Variants in NEK6 observed in about 807,000 individuals in gnomAD.
NEK6 encodes serine/threonine-protein kinase Nek6.
A neutral mutation model predicts 43.5 loss-of-function variants in NEK6; 27 were observed. The observed-to-expected ratio is 0.62, with a 90% CI of 0.46 to 0.86. NEK6 has a LOEUF of 0.86. Ranked by LOEUF, NEK6 falls within the 40% of genes least tolerant of loss-of-function variation. The pLI is 0.00. For missense variants in NEK6, 318 were observed against 414.4 expected (o/e 0.77, Z 2.02); for synonymous variants, 167 against 164.1 (o/e 1.02, Z -0.14).
At chr9:124,260,654 G>A (rs1045903301) in intron 1 of NEK6, among the ~76,000 whole-genome samples, 2 of 152,202 alleles carry the variant, frequency 1.3e-5, no homozygotes, top group African/African-American at 4.8e-5. Flanking sequence ...GCCCGCCTTG[G>A]CCTCCCAAAG....
At chr9:124,316,849 C>T (rs574108588) in intron 4 of NEK6, among the ~76,000 whole-genome samples, 2 of 152,200 alleles carry the variant, frequency 1.3e-5, no homozygotes, top group Non-Finnish European at 2.9e-5. Context: ...CCCCAGGAAC[C>T]AGCGCCTCCT....
intron 1 of NEK6, chr9:124,261,713 G>A: frequency 2.4e-6 from 1 of 417,942 alleles, no homozygotes; most frequent in Non-Finnish European, 3.2e-6. Context: ...TGTGGTTTGG[G>A]CCATGTTGTG....
intron 1 of NEK6, among the ~76,000 whole-genome samples, chr9:124,267,661 G>A (rs1831279415): frequency 6.6e-6 from 1 of 152,210 alleles, no homozygotes. Context: ...CCAGGTGCTG[G>A]GCCGCCCCTG....
At chr9:124,274,844 T>G (rs1445674032) in intron 1 of NEK6, among the ~76,000 whole-genome samples, 1 of 152,190 alleles carries the variant, frequency 6.6e-6, no homozygotes, top group Non-Finnish European at 1.5e-5. Flanking sequence ...CTGGCAATCA[T>G]TGTCCTCTCC....
intron 1 of NEK6, among the ~76,000 whole-genome samples, chr9:124,271,237 A>G (rs918448165): frequency 6.6e-6 from 1 of 152,218 alleles, no homozygotes; most frequent in African/African-American, 2.4e-5. Flanking sequence ...CCGCTCCTTG[A>G]GTGACAAGGG....
chr9:124,265,209 A>G (rs1403594461), intron 1 of NEK6, among the ~76,000 whole-genome samples: 2 of 152,188 alleles, frequency 1.3e-5, no homozygotes, highest in Non-Finnish European at 2.9e-5. Context: ...GTGGTTAAAT[A>G]TATCTGAGAA....
In NEK6 at chr9:124,326,550, C is replaced by G. The variant is rs1190285160; in HGVS notation, c.514+112C>G. The G allele has an allele frequency of 2.6e-6, 2 of 755,284 alleles. No homozygotes were observed. The highest frequency in any genetic ancestry group is 3.0e-5 in the South Asian group (2 of 67,230). 46.8% of individuals were successfully genotyped at this position (755,284 alleles called of 1,614,324 possible). A position where few individuals can be genotyped will look rare whatever the true frequency, so the allele number is the denominator to read the frequency against. ...AGCCCCTTGAGGAAGTTGGACCGCT[C>G]TGTATTCCCCAGGCAAGGGGGCTGC... On this transcript the variant is annotated intron_variant, in intron 6 of 9. Transcript: ENST00000320246. This position sits in a 1 kb window ranked among gnomAD's most constrained non-coding sequence, Gnocchi z 4.5.
intron 1 of NEK6, among the ~76,000 whole-genome samples, chr9:124,285,675 TGCAAA>T (rs1392022990): frequency 2.0e-5 from 3 of 152,062 alleles, no homozygotes; most frequent in Non-Finnish European, 4.4e-5. Flanking sequence ...AAGCCGCAGA[TGCAAA>T]GCCTGTTAGG....
chr9:124,351,184 A>G lies in NEK6; in HGVS notation c.*237A>G, dbSNP rs1169477337. On this transcript the variant is annotated 3_prime_UTR_variant, in exon 10 of 10. Coordinates refer to ENST00000320246, the MANE Select transcript of NEK6 (RefSeq NM_014397.6). ...GTCCTTTCTTTATACTGTTGTGGACAATCTCAGCTGGGTCAATAAGGGCAG... is the reference window on the plus strand; with the variant it reads ...GTCCTTTCTTTATACTGTTGTGGACGATCTCAGCTGGGTCAATAAGGGCAG... The G allele has an allele frequency of 9.1e-6, 4 of 438,754 alleles. No individual in the cohort carries two copies. The East Asian group carries it at 1.7e-4, about 19-fold the overall frequency. The allele number at this position is 438,754 out of a possible 1,614,324, so 27.2% of individuals were successfully genotyped here. A position where few individuals can be genotyped will look rare whatever the true frequency, so the allele number is the denominator to read the frequency against.
At chr9:124,279,860 G>A (rs1218453698) in intron 1 of NEK6, among the ~76,000 whole-genome samples, 2 of 152,226 alleles carry the variant, frequency 1.3e-5, no homozygotes, top group Non-Finnish European at 2.9e-5. Flanking sequence ...TCCCAACCAC[G>A]CAAAACCTGT....
At chr9:124,314,971 A>G (rs978438142) in intron 4 of NEK6, among the ~76,000 whole-genome samples, 5 of 152,240 alleles carry the variant, frequency 3.3e-5, no homozygotes, top group Non-Finnish European at 5.9e-5. Flanking sequence ...CCCATGAAAC[A>G]TACTGGATTT....
chr9:124,290,769 G>A (rs762247919), intron 1 of NEK6, among the ~76,000 whole-genome samples: 1 of 152,208 alleles, frequency 6.6e-6, no homozygotes, highest in Non-Finnish European at 1.5e-5. Context: ...TCCAAACCCT[G>A]CTGGTCCTTC....
chr9:124,301,805 G>A (rs777733684), intron 1 of NEK6, 131 bp from the exon 2 acceptor site: 1 of 730,854 alleles, frequency 1.4e-6, no homozygotes, highest in Non-Finnish European at 2.4e-6. Context: ...TCGGAGCTGG[G>A]TGACCGTGGG....
intron 5 of NEK6, 128 bp downstream of exon 5, chr9:124,321,697 C>T (rs1438216286): frequency 3.0e-5 from 19 of 636,802 alleles, no homozygotes; most frequent in East Asian, 5.6e-5. Context: ...GGACCCTGGG[C>T]GCCCCCCTGC....
At chr9:124,257,841 G>GCGCC, upstream of NEK6, 1 of 1,107,096 alleles carries the variant, frequency 9.0e-7, no homozygotes, top group Non-Finnish European at 1.1e-6. Context: ...CGCCGCCGGG[G>GCGCC]CGCCCCCCGC....
At chr9:124,340,519 A>G (rs1358856152) in intron 8 of NEK6, among the ~76,000 whole-genome samples, 1 of 152,120 alleles carries the variant, frequency 6.6e-6, no homozygotes, top group Non-Finnish European at 1.5e-5. Context: ...GAACAGGACC[A>G]CCTGTCTTGC....
At chr9:124,307,086 G>A (rs78341543) in intron 2 of NEK6, among the ~76,000 whole-genome samples, 3 of 151,762 alleles carry the variant, frequency 2.0e-5, no homozygotes, top group East Asian at 1.9e-4. Context: ...TTAATTGGGC[G>A]AATGCATTTT....
At chr9:124,290,508 T>C (rs1832369859) in intron 1 of NEK6, among the ~76,000 whole-genome samples, 1 of 152,252 alleles carries the variant, frequency 6.6e-6, no homozygotes, top group Admixed American at 6.5e-5. Context: ...CCTCAGCTGC[T>C]GTATGCCTGT....
intron 7 of NEK6, among the ~76,000 whole-genome samples, chr9:124,335,393 G>A (rs202005701): frequency 6.6e-6 from 1 of 152,200 alleles, no homozygotes; most frequent in Non-Finnish European, 1.5e-5. Context: ...CCCTGGCTTC[G>A]CTCATCAAGT....
Sources: gnomAD v4.1 joint callset for allele counts (sites outside exome capture counted in the v4.1 genomes callset) on GRCh38, gnomAD v4.1.1 for gene constraint, Gnocchi (gnomAD v3.1) non-coding constraint, MANE v1.5 for transcripts, NCBI Gene and HGNC (gene_info 2026-07-23, HGNC 2026-07-21) for gene names.